The following HTR2C variants were observed in gnomAD, a reference collection of about 807,000 sequenced individuals.
HTR2C encodes 5-hydroxytryptamine receptor 2C.
HTR2C carries 5 observed loss-of-function variants against 21.0 expected under a neutral mutation model. The observed-to-expected ratio is 0.24, with a 90% CI of 0.12 to 0.50. The LOEUF is 0.50. Among genes scored for constraint, HTR2C ranks in the 20% least tolerant of loss-of-function variants. The pLI is 0.98. For missense variants in HTR2C, 271 were observed against 371.2 expected, an observed-to-expected ratio of 0.73 and a Z score of 2.22; for synonymous variants, 150 against 145.3, an observed-to-expected ratio of 1.03 and a Z score of -0.23.
intron 1 of HTR2C, among the ~76,000 whole-genome samples, chrX:114,603,507 AG>A (rs1369035097): frequency 9.4e-6 from 1 of 105,959 alleles, no homozygotes. Flanking sequence ...TAGGAAGGAA[AG>A]GAGTTGTTGT....
chrX:114,722,514 C>G (rs1402889368), intron 2 of HTR2C, among the ~76,000 whole-genome samples: 1 of 111,026 alleles, frequency 9.0e-6, no homozygotes, highest in Non-Finnish European at 1.9e-5. Context: ...ATTTCCTTCT[C>G]CTGCCTGATC....
chrX:114,888,637 A>G (rs1046037716), intron 5 of HTR2C, among the ~76,000 whole-genome samples: 2 of 112,045 alleles, frequency 1.8e-5, no homozygotes, highest in African/African-American at 3.2e-5. Context: ...AGAATGGGTT[A>G]TGGTTCAAAC....
At chrX:114,903,458 G>T (rs2071351282) in intron 5 of HTR2C, among the ~76,000 whole-genome samples, 1 of 111,890 alleles carries the variant, frequency 8.9e-6, no homozygotes, top group South Asian at 3.7e-4. Context: ...CTCAATAAAT[G>T]GCAGCTATTA....
At chrX:114,861,945 G>A (rs2071009989) in intron 5 of HTR2C, among the ~76,000 whole-genome samples, 1 of 111,168 alleles carries the variant, frequency 9.0e-6, no homozygotes, top group East Asian at 2.8e-4. Flanking sequence ...ATTTCATCTT[G>A]TGGATTATTT....
rs782476105 is a variant in HTR2C, at chrX:114,814,778, ATAT to A, written c.350-33221_350-33219del. 7.0e-3 allele frequency among the ~76,000 whole-genome samples: 718 copies of A among 101,923 alleles called. 10 individuals carry two copies. The highest frequency in any genetic ancestry group is 0.024 in the African/African-American group (687 of 28,459). The allele number at this position is 101,923 out of a possible 115,157, so 88.5% of individuals were successfully genotyped here. On this transcript the variant is annotated intron_variant, in intron 4 of 5. Coordinates refer to ENST00000276198, the MANE Select transcript of HTR2C (RefSeq NM_000868.4). Reference sequence around the variant, plus strand: ...TATATATATTATAGTATATATAATAATATTATATAGTATATATCATATAGTATA... The same window carrying A: ...TATATATATTATAGTATATATAATAATATATAGTATATATCATATAGTATA...
intron 5 of HTR2C, among the ~76,000 whole-genome samples, chrX:114,881,347 T>C (rs1305754729): frequency 6.3e-5 from 7 of 110,778 alleles, no homozygotes; most frequent in Non-Finnish European, 7.6e-5. Context: ...TTAATTTCGA[T>C]AAAGTCTTTA....
At chrX:114,713,986 A>G in intron 2 of HTR2C, among the ~76,000 whole-genome samples, 1 of 111,607 alleles carries the variant, frequency 9.0e-6, no homozygotes, top group African/African-American at 3.2e-5. Context: ...CTGAGAGGGT[A>G]AGTTGAAGAA....
chrX:114,616,691 C>T (rs1416114284), intron 2 of HTR2C, among the ~76,000 whole-genome samples: 3 of 112,172 alleles, frequency 2.7e-5, no homozygotes, highest in Non-Finnish European at 5.6e-5. Flanking sequence ...ACCTATTCTA[C>T]TGTGCTATAG....
At chrX:114,768,266 A>G (rs1041324663) in intron 4 of HTR2C, among the ~76,000 whole-genome samples, 1 of 110,970 alleles carries the variant, frequency 9.0e-6, no homozygotes, top group African/African-American at 3.2e-5. Context: ...CTTGATAAGT[A>G]TTTTAACCTA....
intron 1 of HTR2C, among the ~76,000 whole-genome samples, chrX:114,595,082 G>C (rs1289212306): frequency 9.0e-6 from 1 of 111,473 alleles, no homozygotes; most frequent in Non-Finnish European, 1.9e-5. Flanking sequence ...CTTCGACTTA[G>C]TTAGGGCCAG....
At chrX:114,669,474 G>A (rs1234617144) in intron 2 of HTR2C, among the ~76,000 whole-genome samples, 1 of 111,646 alleles carries the variant, frequency 9.0e-6, no homozygotes, top group Non-Finnish European at 1.9e-5. Flanking sequence ...TATGAATTGG[G>A]AATCATTTAA....
intron 4 of HTR2C, among the ~76,000 whole-genome samples, chrX:114,784,236 A>C (rs1464160164): frequency 4.5e-5 from 5 of 111,362 alleles, no homozygotes; most frequent in Non-Finnish European, 9.4e-5. Flanking sequence ...AGGAATTGAA[A>C]CAAAAGGATA....
At chrX:114,693,935 T>C (rs1218820989) in intron 2 of HTR2C, among the ~76,000 whole-genome samples, 3 of 111,379 alleles carry the variant, frequency 2.7e-5, no homozygotes, top group African/African-American at 9.8e-5. Context: ...TGCAATGCCT[T>C]ATGGCTGAAG....
chrX:114,871,064 G>A (rs1347542233), intron 5 of HTR2C, among the ~76,000 whole-genome samples: 2 of 110,177 alleles, frequency 1.8e-5, no homozygotes, highest in African/African-American at 6.6e-5. Flanking sequence ...GGTACTTATA[G>A]CTATAAAGTG....
At chrX:114,657,310 A>G (rs1188528452) in intron 2 of HTR2C, among the ~76,000 whole-genome samples, 1 of 111,057 alleles carries the variant, frequency 9.0e-6, no homozygotes, top group Non-Finnish European at 1.9e-5. Context: ...TTTAAAGGTC[A>G]TTGATATTTT....
intron 2 of HTR2C, among the ~76,000 whole-genome samples, chrX:114,697,298 A>G (rs1222705299): frequency 1.1e-4 from 12 of 112,612 alleles, no homozygotes; most frequent in African/African-American, 3.9e-4. Context: ...TTGTGCCACC[A>G]ATCTAGCAAT....
chrX:114,807,196 A>ATATACACCATG (rs1556450655), intron 4 of HTR2C, among the ~76,000 whole-genome samples: 2,534 of 4,830 alleles, frequency 0.52, 1,029 homozygotes, highest in Middle Eastern at 1. Context: ...TATACACCAT[A>ATATACACCATG]TATATATACA....
At chrX:114,618,755 T>G (rs1394040852) in intron 2 of HTR2C, among the ~76,000 whole-genome samples, 1 of 111,573 alleles carries the variant, frequency 9.0e-6, no homozygotes, top group African/African-American at 3.3e-5. Flanking sequence ...ATTTTGCTCT[T>G]ATTTAAAAAT....
intron 4 of HTR2C, chrX:114,776,823 A>G (rs782523083): frequency 4.6e-6 from 1 of 216,372 alleles, no homozygotes; most frequent in East Asian, 1.1e-4. Flanking sequence ...AAGACACAGA[A>G]ACCTCCAGAA....
Sources: gnomAD v4.1 joint callset for allele counts (sites outside exome capture counted in the v4.1 genomes callset) on GRCh38, gnomAD v4.1.1 for gene constraint, MANE v1.5 for transcripts, NCBI Gene and HGNC (gene_info 2026-07-23, HGNC 2026-07-21) for gene names.